BCKDHB: variants seen among roughly 807,000 people sequenced by gnomAD.
BCKDHB encodes the protein 2-oxoisovalerate dehydrogenase subunit beta, mitochondrial.
A neutral mutation model predicts 48.5 loss-of-function variants in BCKDHB; 41 were observed. That is an observed-to-expected ratio of 0.85 (90% CI 0.66 to 1.10). The LOEUF is 1.10. BCKDHB is among the 50% of genes least tolerant of loss of function. The pLI is 0.00. For missense variants in BCKDHB, 496 were observed against 494.2 expected, an observed-to-expected ratio of 1.00 and a Z score of -0.03; for synonymous variants, 201 against 174.8, an observed-to-expected ratio of 1.15 and a Z score of -1.18.
the BCKDHB span, among the ~76,000 whole-genome samples, chr6:80,399,822 T>TTG: frequency 6.6e-6 from 1 of 151,398 alleles, no homozygotes; most frequent in African/African-American, 2.4e-5. Flanking sequence ...GCTGGAGGCA[T>TTG]CATGCAACTA....
intron 9 of BCKDHB, among the ~76,000 whole-genome samples, chr6:80,311,554 G>T (rs969575641): frequency 6.6e-6 from 1 of 152,112 alleles, no homozygotes; most frequent in Non-Finnish European, 1.5e-5. Context: ...GGTTTTTATA[G>T]TTTTGGGTTT....
rs536268117 is a variant in BCKDHB, at chr6:80,259,982, G to A, written c.952-13153G>A. 1.2e-4 allele frequency among the ~76,000 whole-genome samples: 19 copies of A among 152,192 alleles called. 1 individual carries two copies. In the South Asian group the frequency reaches 3.7e-3, roughly 30 times the overall value. On this transcript the variant is annotated intron_variant, in intron 8 of 9. Coordinates refer to ENST00000320393, the MANE Select transcript of BCKDHB (RefSeq NM_183050.4). ...CTTATCCTCATCATTTAGGTCTTTG[G>A]ATTTTCCAGCCCCTATTTTGTATTG... is the stretch of plus-strand genomic sequence containing the variant.
chr6:80,127,723 T>G, intron 2 of BCKDHB, 99 bp downstream of exon 2: 1 of 1,086,804 alleles, frequency 9.2e-7, no homozygotes, highest in Non-Finnish European at 1.4e-6. Context: ...TAACATTGTA[T>G]CTACCTGACA....
intron 1 of BCKDHB, among the ~76,000 whole-genome samples, chr6:80,114,440 G>A (rs1261103890): frequency 7.9e-5 from 12 of 151,844 alleles, no homozygotes; most frequent in Admixed American, 6.6e-4. Flanking sequence ...GTAGAGACAG[G>A]GTTTCACCAT....
intron 9 of BCKDHB, among the ~76,000 whole-genome samples, chr6:80,301,674 T>C (rs1767590188): frequency 6.6e-6 from 1 of 152,120 alleles, no homozygotes; most frequent in Non-Finnish European, 1.5e-5. Flanking sequence ...ATCAGCCTGA[T>C]ACCAAAATCT....
chr6:80,296,879 A>G (rs1380276413), intron 9 of BCKDHB, among the ~76,000 whole-genome samples: 1 of 152,148 alleles, frequency 6.6e-6, no homozygotes, highest in Non-Finnish European at 1.5e-5. Flanking sequence ...AATCTTAGGG[A>G]AAAAAATCCT....
chr6:80,453,594 C>T, the BCKDHB span, among the ~76,000 whole-genome samples: 1 of 152,082 alleles, frequency 6.6e-6, no homozygotes, highest in South Asian at 2.1e-4. Context: ...ATATTATGTC[C>T]CCTGTATCTA....
chr6:80,218,405 GCACATGCACTCATGCACA>G (rs1775268076), intron 8 of BCKDHB, among the ~76,000 whole-genome samples: 1 of 152,028 alleles, frequency 6.6e-6, no homozygotes, highest in Non-Finnish European at 1.5e-5. Context: ...CCTACCACAC[GCACATGCACTCATGCACA>G]CACATGCATA....
At chr6:80,407,483 C>G in the BCKDHB span, among the ~76,000 whole-genome samples, 1 of 151,962 alleles carries the variant, frequency 6.6e-6, no homozygotes, top group African/African-American at 2.4e-5. Flanking sequence ...TTCTTCCTAT[C>G]CATGAGCATG....
chr6:80,155,987 C>T (rs62406053), intron 3 of BCKDHB, among the ~76,000 whole-genome samples: 2 of 151,546 alleles, frequency 1.3e-5, no homozygotes, highest in Non-Finnish European at 2.9e-5. Flanking sequence ...TTAAAAAATA[C>T]TTTCCCCCCC....
chr6:80,341,936 G>A (rs3805850), intron 9 of BCKDHB, among the ~76,000 whole-genome samples: 118,009 of 152,064 alleles, frequency 0.78, 46,164 homozygotes, highest in Admixed American at 0.84. Flanking sequence ...TATTAGTAGT[G>A]GAATCTCTTA....
chr6:80,214,577 G>A (rs1775082374), intron 8 of BCKDHB, among the ~76,000 whole-genome samples: 1 of 152,188 alleles, frequency 6.6e-6, no homozygotes, highest in Non-Finnish European at 1.5e-5. Flanking sequence ...TTGAGGGGTT[G>A]GGATGGAAAG....
At chr6:80,158,238 TA>T (rs1211732944) in intron 3 of BCKDHB, among the ~76,000 whole-genome samples, 1 of 152,232 alleles carries the variant, frequency 6.6e-6, no homozygotes, top group Admixed American at 6.5e-5. Flanking sequence ...TTGCATTTAA[TA>T]AACATTCATT....
chr6:80,353,488 T>A, the BCKDHB span, among the ~76,000 whole-genome samples: 1 of 152,174 alleles, frequency 6.6e-6, no homozygotes, highest in Non-Finnish European at 1.5e-5. Flanking sequence ...TAATTTATAT[T>A]CCCATCAATG....
the BCKDHB span, among the ~76,000 whole-genome samples, chr6:80,452,237 T>C: frequency 6.6e-6 from 1 of 152,180 alleles, no homozygotes; most frequent in African/African-American, 2.4e-5. Flanking sequence ...CCAAGCCCGA[T>C]TTCAGTGGGG....
chr6:80,165,102 G>A lies in BCKDHB; in HGVS notation c.344-2576G>A, dbSNP rs929968453. Reference sequence around the variant, plus strand: ...TGGCAACAAGGCTATATTTCTTACCGAGATGAAAAATATCTAAATCCCATG... The same window carrying A: ...TGGCAACAAGGCTATATTTCTTACCAAGATGAAAAATATCTAAATCCCATG... On this transcript the variant is annotated intron_variant, in intron 3 of 9. Transcript: ENST00000320393. Among the ~76,000 whole-genome samples, 3 of 152,006 alleles carry A rather than the reference G, an allele frequency of 2.0e-5. No individual in the cohort carries two copies. The East Asian group carries it at 5.8e-4, about 29-fold the overall frequency.
the BCKDHB span, among the ~76,000 whole-genome samples, chr6:80,445,913 AC>A: frequency 2.0e-5 from 3 of 152,336 alleles, no homozygotes; most frequent in Admixed American, 2.0e-4. Context: ...ATAAATAAAT[AC>A]CATAGGCCAT....
the BCKDHB span, among the ~76,000 whole-genome samples, chr6:80,411,628 A>G: frequency 2.6e-5 from 4 of 152,328 alleles, no homozygotes; most frequent in Non-Finnish European, 4.4e-5. Context: ...GCCCAGTTCC[A>G]TCTTCCTGGC....
intron 9 of BCKDHB, among the ~76,000 whole-genome samples, chr6:80,293,930 A>G (rs915554852): frequency 1.3e-5 from 2 of 152,138 alleles, no homozygotes; most frequent in East Asian, 3.9e-4. Flanking sequence ...CTTCATCTCT[A>G]TCTGAGACCA....
Sources: allele counts gnomAD v4.1 joint callset (sites outside exome capture counted in the v4.1 genomes callset), GRCh38; gene constraint gnomAD v4.1.1; transcripts MANE v1.5; gene names NCBI Gene and HGNC (gene_info 2026-07-23, HGNC 2026-07-21).